MYLK: variants seen among roughly 807,000 people sequenced by gnomAD.
MYLK encodes the protein myosin light chain kinase, smooth muscle.
MYLK carries 106 observed loss-of-function variants against 203.4 expected under a neutral mutation model. The ratio of observed to expected loss-of-function variants is 0.52; its 90% CI spans 0.45 to 0.61. The LOEUF (loss-of-function observed/expected upper bound fraction) is 0.61. Ranked by LOEUF, MYLK falls within the 20% of genes least tolerant of loss-of-function variation. The pLI, the probability that MYLK is intolerant of heterozygous loss-of-function variation, is 0.00. For synonymous variants in MYLK, 867 were observed against 959.5 expected, an observed-to-expected ratio of 0.90 and a Z score of 1.78; for missense variants, 2,072 against 2,442.3, an observed-to-expected ratio of 0.85 and a Z score of 3.20.
chr3:123,616,914 T>G (rs1205539137), intron 33 of MYLK: 1 of 152,206 alleles, frequency 6.6e-6, no homozygotes, highest in Non-Finnish European at 1.5e-5. Context: ...TTTATAGCAA[T>G]GCAAACAGGC....
At chr3:123,749,351 G>T (rs2063126865) in intron 5 of MYLK, among the ~76,000 whole-genome samples, 1 of 152,054 alleles carries the variant, frequency 6.6e-6, no homozygotes, top group African/African-American at 2.4e-5. Context: ...TCCTCCACGG[G>T]AGAGGAAGTT....
In MYLK at chr3:123,648,958, C is replaced by T. The variant is rs769834625; in HGVS notation, c.4415+13G>A. The T allele has an allele frequency of 1.2e-6, 2 of 1,613,282 alleles. No individual in the cohort carries two copies. Among genetic ancestry groups the T allele is most frequent in the Non-Finnish European group, 1.7e-6 (2 of 1,179,318 alleles). ...ACCCTGGGAGCCCAGAGGCAACTTC[C>T]CACTCCACTTACGATCCTAATCTCT... On this transcript the variant is annotated intron_variant, in intron 26 of 33. Coordinates refer to ENST00000360304, the MANE Select transcript of MYLK (RefSeq NM_053025.4). This position sits in a 1 kb window ranked among gnomAD's most constrained non-coding sequence, Gnocchi z 4.5.
chr3:123,701,718 G>GA (rs1307292795), intron 16 of MYLK, among the ~76,000 whole-genome samples: 2 of 152,208 alleles, frequency 1.3e-5, no homozygotes, highest in Admixed American at 1.3e-4. Flanking sequence ...AAAAGAAGAA[G>GA]AAAAAAAGAA....
intron 4 of MYLK, among the ~76,000 whole-genome samples, chr3:123,760,386 C>G (rs2063496939): frequency 6.6e-6 from 1 of 152,196 alleles, no homozygotes; most frequent in African/African-American, 2.4e-5. Flanking sequence ...CCATGTTGGT[C>G]AGGCTGGTCT....
chr3:123,860,113 G>A (rs1313597947), intron 2 of MYLK, among the ~76,000 whole-genome samples: 1 of 152,168 alleles, frequency 6.6e-6, no homozygotes, highest in African/African-American at 2.4e-5. Flanking sequence ...TATTTTGAAG[G>A]ACATCAGTGA....
intron 5 of MYLK, among the ~76,000 whole-genome samples, chr3:123,743,662 A>G (rs1044661434): frequency 1.3e-5 from 2 of 152,192 alleles, no homozygotes; most frequent in East Asian, 1.9e-4. Flanking sequence ...CACTGACGGT[A>G]TTTGATCTTA....
rs150122811 is a variant in MYLK, at chr3:123,708,561, G to T, written c.2140+137C>A. 1.7e-4 allele frequency: 157 copies of T among 906,988 alleles called. 1 individual carries two copies. In the African/African-American group the frequency reaches 2.2e-3, roughly 13 times the overall value. 56.2% of individuals were successfully genotyped at this position (906,988 alleles called of 1,614,324 possible). On this transcript the variant is annotated intron_variant, in intron 15 of 33. Coordinates refer to ENST00000360304, the MANE Select transcript of MYLK (RefSeq NM_053025.4). ...GTTGGACAGGGAGCTGGCCTCTGGG[G>T]CTGGGGTGGGACTGAGGGACGAGAG...
chr3:123,883,161 C>T (rs982927680), intron 1 of MYLK, among the ~76,000 whole-genome samples: 3 of 152,130 alleles, frequency 2.0e-5, no homozygotes, highest in Non-Finnish European at 2.9e-5. Flanking sequence ...CACAGCCTCT[C>T]TTGGAAGGGG....
intron 3 of MYLK, among the ~76,000 whole-genome samples, chr3:123,828,301 C>A (rs2066204650): frequency 6.6e-6 from 1 of 152,076 alleles, no homozygotes; most frequent in African/African-American, 2.4e-5. Flanking sequence ...AATTAATCCA[C>A]ATAGGTACAG....
rs761345595 is a variant in MYLK at position 123,700,738 on chromosome 3, T to C, written c.2730A>G (p.Leu910=). The C allele has an allele frequency of 1.9e-6, 3 of 1,614,054 alleles. No individual in the cohort carries two copies. The Admixed American group carries it at 5.0e-5, about 27-fold the overall frequency. Residue 910 remains leucine, a synonymous_variant, in exon 18 of 34, where the codon CTA becomes CTG. Coordinates refer to ENST00000360304, the MANE Select transcript of MYLK (RefSeq NM_053025.4). ...LLGKKVSTKT[L]SEDDLKEIPA... ...GGATCTCCTTCAGGTCGTCTTCCGA[T>C]AGGGTCTTTGTACTCACCTTCTTCC...
At chr3:123,834,864 G>A (rs2066435555) in intron 2 of MYLK, among the ~76,000 whole-genome samples, 2 of 152,186 alleles carry the variant, frequency 1.3e-5, no homozygotes, top group South Asian at 4.1e-4. Flanking sequence ...TAGAGATGAA[G>A]GAGGATGCCA....
At chr3:123,678,568 A>C (rs1346563630) in intron 20 of MYLK, among the ~76,000 whole-genome samples, 1 of 151,820 alleles carries the variant, frequency 6.6e-6, no homozygotes, top group Non-Finnish European at 1.5e-5. Flanking sequence ...TTGATGAAAA[A>C]ATCACTCAGG....
At chr3:123,773,541 T>C (rs1443626166) in intron 4 of MYLK, among the ~76,000 whole-genome samples, 1 of 151,868 alleles carries the variant, frequency 6.6e-6, no homozygotes, top group Non-Finnish European at 1.5e-5. Flanking sequence ...AATAAGGGAG[T>C]GGCATGCCAT....
intron 18 of MYLK, among the ~76,000 whole-genome samples, chr3:123,694,101 G>A (rs572479061): frequency 6.6e-6 from 1 of 152,320 alleles, no homozygotes; most frequent in African/African-American, 2.4e-5. Flanking sequence ...GTTCTGCCCA[G>A]AAAACCTCAC....
chr3:123,855,133 T>G (rs2031237268), intron 2 of MYLK, among the ~76,000 whole-genome samples: 1 of 148,426 alleles, frequency 6.7e-6, no homozygotes, highest in Non-Finnish European at 1.5e-5. Flanking sequence ...GAACTCATGT[T>G]GTTACTCAAT....
At chr3:123,742,179 T>C (rs2062873986) in intron 5 of MYLK, among the ~76,000 whole-genome samples, 2 of 152,206 alleles carry the variant, frequency 1.3e-5, no homozygotes, top group Non-Finnish European at 2.9e-5. Context: ...CTTAGTCCCA[T>C]AGCTTTAAAT....
At chr3:123,780,535 T>C (rs900050742) in intron 4 of MYLK, among the ~76,000 whole-genome samples, 2 of 152,212 alleles carry the variant, frequency 1.3e-5, no homozygotes, top group Non-Finnish European at 2.9e-5. Context: ...TCTCATTTTA[T>C]AGGATGAGGA....
At chr3:123,882,352 T>G (rs1036003522) in intron 1 of MYLK, among the ~76,000 whole-genome samples, 1 of 152,134 alleles carries the variant, frequency 6.6e-6, no homozygotes, top group Non-Finnish European at 1.5e-5. Flanking sequence ...AGGTCAAGGT[T>G]GCAGTGAGCT....
At chr3:123,622,041 A>G (rs1456594255) in intron 31 of MYLK, 1 of 152,184 alleles carries the variant, frequency 6.6e-6, no homozygotes, top group African/African-American at 2.4e-5. Flanking sequence ...AAGTGTAGAG[A>G]GAGAGAGACC....
Sources: gnomAD v4.1 joint callset for allele counts (sites outside exome capture counted in the v4.1 genomes callset) on GRCh38, gnomAD v4.1.1 for gene constraint, Gnocchi (gnomAD v3.1) non-coding constraint, MANE v1.5 for transcripts, NCBI Gene and HGNC (gene_info 2026-07-23, HGNC 2026-07-21) for gene names.